SASH1: variants seen among roughly 807,000 people sequenced by gnomAD.
The protein encoded by SASH1 is SAM and SH3 domain-containing protein 1.
A neutral mutation model predicts 125.2 loss-of-function variants in SASH1; 44 were observed. That is an observed-to-expected ratio of 0.35 (90% confidence interval 0.28 to 0.45). SASH1 has a LOEUF of 0.45. SASH1 is among the 20% of genes least tolerant of loss of function. The pLI is 1.00. For missense variants in SASH1, 1,426 were observed against 1,614.5 expected (o/e 0.88, Z 2.00); for synonymous variants, 639 against 649.1 (o/e 0.98, Z 0.24).
intron 12 of SASH1, among the ~76,000 whole-genome samples, chr6:148,531,157 G>A (rs1438264365): frequency 6.6e-6 from 1 of 151,888 alleles, no homozygotes; most frequent in African/African-American, 2.4e-5. Flanking sequence ...AGGTATTCTA[G>A]TAATCATGGA....
At chr6:148,208,728 T>C in the SASH1 span, among the ~76,000 whole-genome samples, 1 of 152,334 alleles carries the variant, frequency 6.6e-6, no homozygotes, top group East Asian at 1.9e-4. Context: ...ACTTCTGGAA[T>C]GCCTTTCTAT....
chr6:148,540,968 T>C (rs1782182601), intron 17 of SASH1, among the ~76,000 whole-genome samples: 1 of 152,084 alleles, frequency 6.6e-6, no homozygotes, highest in African/African-American at 2.4e-5. Context: ...GAGAGAAGGA[T>C]TGGATGGCCA....
chr6:148,510,889 G>C (rs747572247), intron 8 of SASH1, among the ~76,000 whole-genome samples: 34 of 151,860 alleles, frequency 2.2e-4, no homozygotes, highest in African/African-American at 6.8e-4. Flanking sequence ...CCAGCTACTC[G>C]GGAGGCTGAG....
chr6:148,263,850 T>C, the SASH1 span, among the ~76,000 whole-genome samples: 4 of 152,152 alleles, frequency 2.6e-5, no homozygotes, highest in African/African-American at 9.7e-5. Context: ...ATGGTGGAAA[T>C]GGAAGACTGA....
intron 1 of SASH1, among the ~76,000 whole-genome samples, chr6:148,378,641 C>T (rs866237893): frequency 6.6e-6 from 1 of 152,170 alleles, no homozygotes; most frequent in African/African-American, 2.4e-5. Flanking sequence ...CGTGAGCCAC[C>T]GTGCCTGGTT....
upstream of SASH1, among the ~76,000 whole-genome samples, chr6:148,267,988 G>C (rs1055987057): frequency 6.6e-6 from 1 of 152,144 alleles, no homozygotes; most frequent in African/African-American, 2.4e-5. Context: ...TGAATCCCAC[G>C]AACGAAAGGC....
intron 1 of SASH1, among the ~76,000 whole-genome samples, chr6:148,313,722 C>T (rs1038155568): frequency 4.6e-5 from 7 of 152,202 alleles, no homozygotes; most frequent in South Asian, 2.1e-4. Flanking sequence ...GGCTGTGGCA[C>T]GTGCGGCTGC....
chr6:148,204,716 A>T, the SASH1 span, among the ~76,000 whole-genome samples: 5 of 151,968 alleles, frequency 3.3e-5, no homozygotes, highest in Admixed American at 6.6e-5. Flanking sequence ...CAAACAAAAA[A>T]AACTGTTTAT....
chr6:148,462,694 T>G (rs1777671621), intron 4 of SASH1, among the ~76,000 whole-genome samples: 1 of 152,178 alleles, frequency 6.6e-6, no homozygotes, highest in Non-Finnish European at 1.5e-5. Context: ...TTTAGCAATT[T>G]ACTCAAGAGC....
chr6:148,502,307 T>C (rs1322886869), intron 8 of SASH1, among the ~76,000 whole-genome samples: 1 of 152,132 alleles, frequency 6.6e-6, no homozygotes, highest in Non-Finnish European at 1.5e-5. Flanking sequence ...GAGCAAAATA[T>C]TTCTTACTAA....
intron 2 of SASH1, among the ~76,000 whole-genome samples, chr6:148,438,105 G>C (rs1418825240): frequency 2.6e-5 from 4 of 152,164 alleles, no homozygotes; most frequent in African/African-American, 7.2e-5. Context: ...GGTTATAGAA[G>C]GTCATGGGCT....
intron 19 of SASH1, 38 bp from the exon 20 acceptor site, chr6:148,548,257 T>G (rs766783162): frequency 6.4e-7 from 1 of 1,570,942 alleles, no homozygotes. Flanking sequence ...CGATGACACA[T>G]GGAGCGTTTC....
chr6:148,344,917 G>A (rs550244949), intron 1 of SASH1, among the ~76,000 whole-genome samples: 5 of 151,982 alleles, frequency 3.3e-5, no homozygotes, highest in East Asian at 3.9e-4. Context: ...CACCACACCC[G>A]GCTGATTTTT....
rs1456369543 is a variant in SASH1, at chr6:148,519,143, C to CA, written c.863-403dup. On this transcript the variant is annotated intron_variant, in intron 9 of 19. Coordinates refer to ENST00000367467, the MANE Select transcript of SASH1 (RefSeq NM_015278.5). This position sits in a 1 kb window ranked among gnomAD's most constrained non-coding sequence, Gnocchi z 4.8. ...TCACACTCCAACTATAAAAAGCGAC[C>CA]AGAGCCAACATAAAGGAGTGCCTTT... is the stretch of plus-strand genomic sequence containing the variant. Among the ~76,000 whole-genome samples, 1 of 152,200 alleles carries CA rather than the reference C, an allele frequency of 6.6e-6. No individual in the cohort carries two copies. The highest frequency in any genetic ancestry group is 1.5e-5 in the Non-Finnish European group (1 of 68,040).
intron 11 of SASH1, 189 bp from the exon 12 acceptor site, chr6:148,527,264 C>A: frequency 2.0e-6 from 1 of 508,812 alleles, no homozygotes; most frequent in South Asian, 3.8e-5. Context: ...TTTAAGCAAA[C>A]AAAAATAGTC....
the SASH1 span, among the ~76,000 whole-genome samples, chr6:148,257,375 CA>C: frequency 6.6e-6 from 1 of 152,126 alleles, no homozygotes; most frequent in African/African-American, 2.4e-5. Context: ...AATTCCTATC[CA>C]AGGCTGGCAT....
At position 148,544,059 on chromosome 6, in the gene SASH1, G is replaced by C. The variant is rs1387852570; in HGVS notation, c.2589G>C (p.Gln863His). ...CCGAGGTGACAGAACCGCCCCCTCA[G>C]ATTGTACCTGAAGTGCCACAGAAGA... ...VPTEVTEPPP[Q>H]IVPEVPQKTT... Residue 863 changes from glutamine (Q) to histidine (H), a missense_variant, in exon 18 of 20, where the codon CAG becomes CAC. Coordinates refer to ENST00000367467, the MANE Select transcript of SASH1 (RefSeq NM_015278.5). The surrounding 1 kb of genome is among the most constrained non-coding windows in gnomAD (Gnocchi z 6.4). 1 of 1,614,096 alleles carries C rather than the reference G, an allele frequency of 6.2e-7. No individual in the cohort carries two copies.
chr6:148,230,128 A>G, the SASH1 span, among the ~76,000 whole-genome samples: 1 of 152,124 alleles, frequency 6.6e-6, no homozygotes, highest in African/African-American at 2.4e-5. Flanking sequence ...AGATCTGCCT[A>G]TTCTGAATAT....
chr6:148,220,994 C>T, the SASH1 span, among the ~76,000 whole-genome samples: 1 of 152,176 alleles, frequency 6.6e-6, no homozygotes, highest in Non-Finnish European at 1.5e-5. Context: ...AACAAAATCC[C>T]TCTTTTTTCC....
Sources: allele counts gnomAD v4.1 joint callset (sites outside exome capture counted in the v4.1 genomes callset), GRCh38; gene constraint gnomAD v4.1.1; non-coding constraint Gnocchi (gnomAD v3.1); transcripts MANE v1.5; gene names NCBI Gene and HGNC (gene_info 2026-07-23, HGNC 2026-07-21).